ERG: variants seen among roughly 807,000 people sequenced by gnomAD.
The protein encoded by ERG is transcriptional regulator ERG.
A neutral mutation model predicts 55.3 loss-of-function variants in ERG; 9 were observed. The observed-to-expected ratio is 0.16, with a 90% CI of 0.10 to 0.28. ERG has a LOEUF of 0.28. Among genes scored for constraint, ERG ranks in the 10% least tolerant of loss-of-function variants. The pLI is 1.00. For missense variants in ERG, 434 were observed against 631.6 expected (o/e 0.69, Z 3.35); for synonymous variants, 223 against 237.3 (o/e 0.94, Z 0.55).
intron 2 of ERG, among the ~76,000 whole-genome samples, chr21:38,512,908 G>A (rs1240215112): frequency 6.6e-5 from 10 of 152,156 alleles, no homozygotes; most frequent in South Asian, 4.1e-4. Flanking sequence ...CGAGGCAGGC[G>A]GATCATGAGG....
intron 2 of ERG, among the ~76,000 whole-genome samples, chr21:38,440,896 G>C (rs2058835340): frequency 6.6e-6 from 1 of 151,622 alleles, no homozygotes; most frequent in Non-Finnish European, 1.5e-5. Context: ...ACCTCTGGCT[G>C]AGATGAGTCT....
Position 38,655,632 on chromosome 21 carries a change from T to C in ERG, c.-150+6026A>G, listed in dbSNP as rs560511220. On this transcript the variant is annotated intron_variant, in intron 1 of 10. Transcript: ENST00000398910. The stretch of plus-strand genomic sequence containing the variant: ...GACTACGAACAACTAAAAAGAACCA[T>C]TTAATCAGGCCAAATTCCCTTCAGG... Among the ~76,000 whole-genome samples, 275 of 152,266 alleles carry C rather than the reference T, an allele frequency of 1.8e-3. 2 individuals are homozygous for C. The highest frequency in any genetic ancestry group is 5.9e-3 in the African/African-American group (246 of 41,558).
chr21:38,562,553 T>C (rs1488388319), intron 2 of ERG, among the ~76,000 whole-genome samples: 1 of 152,186 alleles, frequency 6.6e-6, no homozygotes, highest in Non-Finnish European at 1.5e-5. Context: ...ATGGATGTAT[T>C]AAAGTTTGAG....
intron 2 of ERG, among the ~76,000 whole-genome samples, chr21:38,524,928 C>T (rs2836465): frequency 0.033 from 5,018 of 152,220 alleles, 166 homozygotes; most frequent in Middle Eastern, 0.11. Context: ...TGAAATACTT[C>T]CTAAAGCAAA....
At chr21:38,373,534 A>G in the ERG span, among the ~76,000 whole-genome samples, 1 of 152,208 alleles carries the variant, frequency 6.6e-6, no homozygotes, top group Non-Finnish European at 1.5e-5. Context: ...TTGTAGTACC[A>G]TTGAGAAAGT....
chr21:38,480,917 C>T (rs756882948), intron 1 of ERG, among the ~76,000 whole-genome samples: 1 of 151,988 alleles, frequency 6.6e-6, no homozygotes, highest in African/African-American at 2.4e-5. Context: ...AGAAAAATAA[C>T]GAATGGAAAA....
intron 1 of ERG, among the ~76,000 whole-genome samples, chr21:38,489,071 C>T (rs1487243172): frequency 2.0e-5 from 3 of 152,134 alleles, no homozygotes; most frequent in Non-Finnish European, 4.4e-5. Context: ...TGCATCAGTG[C>T]GTCTCTGGTT....
At chr21:38,586,620 G>A (rs1009503301), upstream of ERG, among the ~76,000 whole-genome samples, 10 of 152,146 alleles carry the variant, frequency 6.6e-5, no homozygotes, top group Admixed American at 1.3e-4. Flanking sequence ...TGGTGGGAAC[G>A]TAGATCAGTA....
At chr21:38,590,892 G>A (rs1231624745) in intron 1 of ERG, among the ~76,000 whole-genome samples, 1 of 152,220 alleles carries the variant, frequency 6.6e-6, no homozygotes, top group Non-Finnish European at 1.5e-5. Flanking sequence ...GTGTAGCTTG[G>A]TTGAGCATGA....
chr21:38,490,719 G>A (rs1413522212), intron 1 of ERG, among the ~76,000 whole-genome samples: 1 of 152,180 alleles, frequency 6.6e-6, no homozygotes, highest in Non-Finnish European at 1.5e-5. Flanking sequence ...AGGGAGCTAG[G>A]GCCAGGAGAG....
chr21:38,537,267 A>G (rs948062872), intron 2 of ERG, among the ~76,000 whole-genome samples: 4 of 152,160 alleles, frequency 2.6e-5, no homozygotes, highest in African/African-American at 9.6e-5. Flanking sequence ...CCTGTCTTGA[A>G]TATGACACCA....
At chr21:38,612,862 C>T (rs1183806645) in intron 1 of ERG, among the ~76,000 whole-genome samples, 3 of 152,170 alleles carry the variant, frequency 2.0e-5, no homozygotes, top group East Asian at 1.9e-4. Flanking sequence ...GGGGTTTCAC[C>T]GTGTTAGCCA....
At chr21:38,421,981 G>C (rs185643097) in intron 3 of ERG, among the ~76,000 whole-genome samples, 15 of 152,326 alleles carry the variant, frequency 9.8e-5, no homozygotes, top group Admixed American at 2.6e-4. Flanking sequence ...GCCTCCCAAA[G>C]TGCTGGGATT....
At chr21:38,568,310 G>A (rs1338443277) in intron 2 of ERG, among the ~76,000 whole-genome samples, 1 of 152,144 alleles carries the variant, frequency 6.6e-6, no homozygotes, top group African/African-American at 2.4e-5. Flanking sequence ...AATACGTAAT[G>A]TGATGTGATA....
At chr21:38,422,792 T>C (rs1989604707) in intron 3 of ERG, among the ~76,000 whole-genome samples, 1 of 152,230 alleles carries the variant, frequency 6.6e-6, no homozygotes, top group Non-Finnish European at 1.5e-5. Context: ...CAGTGATAGC[T>C]GGAATTTTAG....
chr21:38,652,216 C>T (rs1225395588), intron 1 of ERG, among the ~76,000 whole-genome samples: 1 of 152,138 alleles, frequency 6.6e-6, no homozygotes, highest in Non-Finnish European at 1.5e-5. Flanking sequence ...AGGCCTGACT[C>T]CTCCACCCTC....
At chr21:38,600,779 C>A (rs1016192833) in intron 1 of ERG, among the ~76,000 whole-genome samples, 14 of 152,160 alleles carry the variant, frequency 9.2e-5, no homozygotes, top group African/African-American at 3.4e-4. Flanking sequence ...TGTTTGTATT[C>A]TTTATGTTTT....
At chr21:38,424,974 G>T (rs1199073775) in intron 2 of ERG, among the ~76,000 whole-genome samples, 3 of 152,148 alleles carry the variant, frequency 2.0e-5, no homozygotes, top group Non-Finnish European at 4.4e-5. Flanking sequence ...ACTGTCATTT[G>T]GATAAAGTCA....
At chr21:38,486,301 T>C (rs2146663387) in intron 1 of ERG, among the ~76,000 whole-genome samples, 1 of 152,340 alleles carries the variant, frequency 6.6e-6, no homozygotes, top group Admixed American at 6.5e-5. Flanking sequence ...AGTGTCACAA[T>C]TGCCTACAGT....
Sources: allele counts gnomAD v4.1 joint callset (sites outside exome capture counted in the v4.1 genomes callset), GRCh38; gene constraint gnomAD v4.1.1; transcripts MANE v1.5; gene names NCBI Gene and HGNC (gene_info 2026-07-23, HGNC 2026-07-21).